The following COL6A1 variants were observed in gnomAD, a reference collection of about 807,000 sequenced individuals.
COL6A1 encodes collagen type VI alpha 1 chain.
COL6A1 carries 80 observed loss-of-function variants against 145.6 expected under a neutral mutation model. The ratio of observed to expected loss-of-function variants is 0.55; its 90% CI spans 0.46 to 0.66. COL6A1 has a LOEUF of 0.66. COL6A1 is among the 30% of genes least tolerant of loss of function. COL6A1 has a pLI of 0.00. For synonymous variants in COL6A1, 638 were observed against 622.8 expected, an observed-to-expected ratio of 1.02 and a Z score of -0.36; for missense variants, 1,364 against 1,473.8, an observed-to-expected ratio of 0.93 and a Z score of 1.22.
chr21:46,003,920 C>A lies in COL6A1; in HGVS notation c.2994C>A (p.Tyr998Ter), dbSNP rs148405880. Residue 998 changes from tyrosine to a stop codon, truncating the protein, a stop_gained, in exon 35 of 35, where the codon TAC becomes TAA. Coordinates refer to ENST00000361866, the MANE Select transcript of COL6A1 (RefSeq NM_001848.3). LOFTEE classifies it high-confidence loss of function. ...AGACGGCCGAGTACGACGTGGCCTA[C>A]GGCGAGAGCCACCTGTTCCGTGTCC... ...TGKTAEYDVA[Y>*]GESHLFRVPS... 2 of 1,608,302 alleles carry A rather than the reference C, an allele frequency of 1.2e-6. No homozygotes were observed. Among genetic ancestry groups the A allele is most frequent in the African/African-American group, 2.7e-5 (2 of 74,852 alleles).
intron 28 of COL6A1, 144 bp downstream of exon 28, chr21:46,000,511 G>T (rs1412395819): frequency 8.5e-7 from 1 of 1,175,314 alleles, no homozygotes; most frequent in Non-Finnish European, 1.2e-6. Context: ...AGCCCCTACC[G>T]GCCTCCAAAG....
intron 11 of COL6A1, 75 bp from the exon 12 acceptor site, chr21:45,990,183 G>C: frequency 6.3e-7 from 1 of 1,582,524 alleles, no homozygotes; most frequent in Non-Finnish European, 8.7e-7. Flanking sequence ...CCCCTGCCTC[G>C]CGTGGGCCTA....
rs925602861 is a variant in COL6A1 at position 46,000,633 on chromosome 21, A to C, written c.1814-126A>C. Reference sequence around the variant, plus strand: ...GGGGAGGCGGGGCAGGAGGCCGGGGAAGGGGGGAGGCCGGGGAAGGAGGGC... The same window carrying C: ...GGGGAGGCGGGGCAGGAGGCCGGGGCAGGGGGGAGGCCGGGGAAGGAGGGC... On this transcript the variant is annotated intron_variant, in intron 28 of 34. Coordinates refer to ENST00000361866, the MANE Select transcript of COL6A1 (RefSeq NM_001848.3). The C allele has an allele frequency of 9.5e-6, 13 of 1,363,044 alleles. No homozygotes were observed. The East Asian group carries it at 1.2e-4, about 12-fold the overall frequency. 84.4% of individuals were successfully genotyped at this position (1,363,044 alleles called of 1,614,324 possible).
intron 15 of COL6A1, among the ~76,000 whole-genome samples, chr21:45,991,385 C>A (rs2077776278): frequency 6.6e-6 from 1 of 151,430 alleles, no homozygotes; most frequent in Non-Finnish European, 1.5e-5. Flanking sequence ...GCTCTCAGAA[C>A]TGAGAATGGG....
Position 46,004,550 on chromosome 21 carries a change from A to G in COL6A1, c.*537A>G, listed in dbSNP as rs984448636. 1.9e-5 allele frequency: 6 copies of G among 314,962 alleles called. No individual in the cohort carries two copies. Among genetic ancestry groups the G allele is most frequent in the African/African-American group, 1.3e-4 (6 of 45,488 alleles). 19.5% of individuals were successfully genotyped at this position (314,962 alleles called of 1,614,324 possible). A position where few individuals can be genotyped will look rare whatever the true frequency, so the allele number is the denominator to read the frequency against. ...TCACCTAACAGTTACTTTACAATTA[A>G]ACTCAAAGCAAGCTCTTCTCCTCAG... On this transcript the variant is annotated 3_prime_UTR_variant, in exon 35 of 35. Transcript: ENST00000361866.
chr21:45,997,991 C>A, intron 22 of COL6A1, 130 bp from the exon 23 acceptor site: 1 of 1,275,770 alleles, frequency 7.8e-7, no homozygotes, highest in Non-Finnish European at 1.1e-6. Flanking sequence ...GCAGGGTGGC[C>A]CCAGGGGAGG....
rs924049292 is a variant in COL6A1, at chr21:45,989,519, G to A, written c.859-89G>A. ...CCCCTCTCTCGGCCTGACCAGGCCT[G>A]GGCTGGAGGGAGGGGTGTGGGGCTG... On this transcript the variant is annotated intron_variant, in intron 9 of 34. Transcript: ENST00000361866. The A allele has an allele frequency of 2.6e-5, 36 of 1,361,974 alleles. 1 individual carries two copies. The African/African-American group carries it at 4.6e-4, about 17-fold the overall frequency. The allele number at this position is 1,361,974 out of a possible 1,614,324, so 84.4% of individuals were successfully genotyped here. A position where few individuals can be genotyped will look rare whatever the true frequency, so the allele number is the denominator to read the frequency against.
chr21:45,996,976 G>C (rs981345842), intron 20 of COL6A1, among the ~76,000 whole-genome samples: 1 of 152,314 alleles, frequency 6.6e-6, no homozygotes, highest in Middle Eastern at 3.4e-3. Flanking sequence ...GACCATGAGG[G>C]AGGGCAGTCT....
chr21:45,999,300 C>A, intron 26 of COL6A1, 82 bp downstream of exon 26: 1 of 1,359,928 alleles, frequency 7.4e-7, no homozygotes, highest in Non-Finnish European at 1.0e-6. Flanking sequence ...CTGGAAGAGG[C>A]TGGGAGAGTG....
chr21:45,990,361 G>A lies in COL6A1; in HGVS notation c.958-17G>A, dbSNP rs79364611. The A allele has an allele frequency of 1.8e-3, 2,909 of 1,609,338 alleles. 42 individuals carry two copies. The African/African-American group carries it at 0.035, about 19-fold the overall frequency. On this transcript the variant is annotated splice_polypyrimidine_tract_variant and intron_variant, in intron 12 of 34. Coordinates refer to ENST00000361866, the MANE Select transcript of COL6A1 (RefSeq NM_001848.3). ...TGACCTGCATCTGACTCCTGCCTTC[G>A]TTTTCCCGCCTCACAGGGAGAGAAG...
At chr21:45,982,452 TCTCA>T (rs563808328) in intron 1 of COL6A1, among the ~76,000 whole-genome samples, 178 bp from the exon 2 acceptor site, 48 of 152,244 alleles carry the variant, frequency 3.2e-4, no homozygotes, top group African/African-American at 1.1e-3. Flanking sequence ...GTTTGGGGTC[TCTCA>T]CTCCACCCCC....
At chr21:45,982,792 C>A in intron 2 of COL6A1, 29 bp downstream of exon 2, 2 of 1,609,466 alleles carry the variant, frequency 1.2e-6, no homozygotes, top group Non-Finnish European at 1.7e-6. Flanking sequence ...GACCTTCCTC[C>A]TGTGCTTCTG....
intron 8 of COL6A1, 109 bp from the exon 9 acceptor site, chr21:45,988,975 C>T (rs1320490701): frequency 1.2e-5 from 16 of 1,336,470 alleles, no homozygotes; most frequent in Non-Finnish European, 1.6e-5. Flanking sequence ...GCTTTAAAGC[C>T]CTTGATCCCT....
chr21:45,993,846 C>T (rs1016063765), intron 19 of COL6A1, among the ~76,000 whole-genome samples: 1 of 152,206 alleles, frequency 6.6e-6, no homozygotes, highest in Non-Finnish European at 1.5e-5. Context: ...AGCTTCCCGG[C>T]GGGCCACAAG....
intron 34 of COL6A1, 74 bp from the exon 35 acceptor site, chr21:46,003,317 G>A: frequency 6.2e-7 from 1 of 1,602,336 alleles, no homozygotes; most frequent in Non-Finnish European, 8.5e-7. Context: ...GGGGAGCTTA[G>A]ACGCTCTCTG....
chr21:45,999,424 C>A, intron 26 of COL6A1: 1 of 732,788 alleles, frequency 1.4e-6, no homozygotes, highest in Non-Finnish European at 2.3e-6. Context: ...AGCCCAGGGA[C>A]ACAGCGGGTC....
rs1218586005 is a variant in COL6A1, at chr21:45,990,836, T to G, written c.1056+10T>G. The G allele has an allele frequency of 6.2e-7, 1 of 1,613,278 alleles. No individual in the cohort carries two copies. The highest frequency in any genetic ancestry group is 1.7e-5 in the Admixed American group (1 of 60,030). ...CTCGCCCGGGTTTGACGTAAGTCACTTCCTCTCACTGATACTTTAAAACTA... is the reference window on the plus strand; with the variant it reads ...CTCGCCCGGGTTTGACGTAAGTCACGTCCTCTCACTGATACTTTAAAACTA... On this transcript the variant is annotated intron_variant, in intron 14 of 34. Coordinates refer to ENST00000361866, the MANE Select transcript of COL6A1 (RefSeq NM_001848.3).
In COL6A1 at chr21:46,002,315, C is replaced by T. The variant is rs778731122; in HGVS notation, c.2164C>T (p.Arg722Cys). The change falls in exon 32 of 35, where the codon CGC (arginine) becomes TGC (cysteine). Residue 722 changes from arginine to cysteine, a missense_variant. Arg to Cys is a radical substitution (Grantham distance 180, BLOSUM62 -3). This residue lies in a region of COL6A1 where 938 missense variants were observed against 1,003.8 expected (regional missense o/e 0.93). Transcript: ENST00000361866. ...GCTGCTGCCGCCCAGCCCGAACAAC[C>T]GCATCGCCCTGGTCATCACTGACGG... The part of the protein sequence containing the change: ...DQLLPPSPNN[R>C]IALVITDGRS... The T allele has an allele frequency of 3.8e-6, 6 of 1,593,074 alleles. No individual in the cohort carries two copies. The highest frequency in any genetic ancestry group is 1.8e-5 in the Admixed American group (1 of 56,740).
rs1343644341 is a variant in COL6A1, at chr21:45,990,439, A to T, written c.1002+17A>T. The T allele has an allele frequency of 3.4e-6, 2 of 595,258 alleles. No homozygotes were observed. Among genetic ancestry groups the T allele is most frequent in the Non-Finnish European group, 4.5e-6 (2 of 445,248 alleles). 36.9% of individuals were successfully genotyped at this position (595,258 alleles called of 1,614,324 possible). ...GGCGTGAAGGTGACTGGGGGGAGAT[A>T]GGATGGACGGGGAGGGACGAGGAGG... On this transcript the variant is annotated intron_variant, in intron 13 of 34. Coordinates refer to ENST00000361866, the MANE Select transcript of COL6A1 (RefSeq NM_001848.3).
Sources: allele counts gnomAD v4.1 joint callset (sites outside exome capture counted in the v4.1 genomes callset), GRCh38; gene constraint gnomAD v4.1.1; regional missense constraint gnomAD v4.1.1; transcripts MANE v1.5; gene names NCBI Gene and HGNC (gene_info 2026-07-23, HGNC 2026-07-21).